The following CFAP74 variants were observed in gnomAD, a reference collection of about 807,000 sequenced individuals.
CFAP74 encodes cilia- and flagella-associated protein 74.
CFAP74 carries 124 observed loss-of-function variants against 188.9 expected under a neutral mutation model. The observed-to-expected ratio is 0.66, with a 90% confidence interval of 0.57 to 0.76. CFAP74 has a LOEUF of 0.76. Among genes scored for constraint, CFAP74 ranks in the 30% least tolerant of loss-of-function variants. CFAP74 has a pLI of 0.00. For missense variants in CFAP74, 2,198 were observed against 2,165.2 expected (o/e 1.02, Z -0.30); for synonymous variants, 956 against 916.7 (o/e 1.04, Z -0.77).
intron 6 of CFAP74, among the ~76,000 whole-genome samples, chr1:1,974,505 G>A (rs1656313318): frequency 6.6e-6 from 1 of 152,218 alleles, no homozygotes. Flanking sequence ...GGCAGGCCCT[G>A]CCCAGCCTGA....
At chr1:1,943,831 G>A (rs559325566) in intron 21 of CFAP74, among the ~76,000 whole-genome samples, 1 of 152,222 alleles carries the variant, frequency 6.6e-6, no homozygotes, top group Non-Finnish European at 1.5e-5. Flanking sequence ...TAAGGCCAAG[G>A]TGCGGGCAGG....
At chr1:1,981,353 G>C (rs1354524761) in intron 6 of CFAP74, among the ~76,000 whole-genome samples, 1 of 152,110 alleles carries the variant, frequency 6.6e-6, no homozygotes, top group African/African-American at 2.4e-5. Flanking sequence ...GGGACCCAGC[G>C]GGAAAGCGCC....
At chr1:1,974,906 G>A (rs931706721) in intron 6 of CFAP74, among the ~76,000 whole-genome samples, 1 of 152,254 alleles carries the variant, frequency 6.6e-6, no homozygotes, top group African/African-American at 2.4e-5. Context: ...GGCCAGGTGA[G>A]AGCCGCTGGA....
At chr1:1,995,709 A>G (rs961018153) in intron 1 of CFAP74, among the ~76,000 whole-genome samples, 2 of 151,992 alleles carry the variant, frequency 1.3e-5, no homozygotes, top group African/African-American at 4.8e-5. Context: ...GGAGATCGAG[A>G]CCATCCTGGC....
rs1654891550 is a variant in CFAP74, at chr1:1,959,262, T to G, written c.1762-53A>C. On this transcript the variant is annotated intron_variant, in intron 15 of 38. Transcript: ENST00000682832. Reference sequence around the variant, plus strand: ...ATACACTTCTGCAACTTTTGTGTGTTTTGTTTTTTTTTTGGACAGGGTCTG... The same window carrying G: ...ATACACTTCTGCAACTTTTGTGTGTGTTGTTTTTTTTTTGGACAGGGTCTG... The G allele has an allele frequency of 1.2e-5, 16 of 1,315,958 alleles. No homozygotes were observed. The South Asian group carries it at 1.4e-4, about 11-fold the overall frequency. 81.5% of individuals were successfully genotyped at this position (1,315,958 alleles called of 1,614,324 possible).
intron 25 of CFAP74, among the ~76,000 whole-genome samples, chr1:1,935,497 T>C (rs1000240229): frequency 9.7e-5 from 9 of 92,384 alleles, no homozygotes; most frequent in Admixed American, 3.7e-4. Flanking sequence ...TAGGTACACA[T>C]GTGTGCACGT....
Position 1,922,589 on chromosome 1 carries a change from A to G in CFAP74, c.4818T>C (p.Asp1606=). 3 of 1,606,414 alleles carry G rather than the reference A, an allele frequency of 1.9e-6. No homozygotes were observed. Among genetic ancestry groups the G allele is most frequent in the Non-Finnish European group, 2.5e-6 (3 of 1,176,576 alleles). Residue 1606 remains aspartate (D), a splice_region_variant and synonymous_variant, in exon 38 of 39, where the codon GAT becomes GAC. Transcript: ENST00000682832. The part of the protein sequence containing the change: ...SISWVPPADF[D]PDHPLMVSAL... Reference sequence around the variant, plus strand: ...TGGCCTGGAGCCCAAAGGCACCTACATCAAAGTCCGCAGGTGGCACCCAGG... The same window carrying G: ...TGGCCTGGAGCCCAAAGGCACCTACGTCAAAGTCCGCAGGTGGCACCCAGG...
At position 1,973,997 on chromosome 1, in the gene CFAP74, G is replaced by A. The variant is rs1656266062; in HGVS notation, c.674+28C>T. ...GGGCTGGCAGAAGCTGCTGGGAAGGGATGGAGGTGGGCCTGGGTGTCGCCT... is the reference window on the plus strand; with the variant it reads ...GGGCTGGCAGAAGCTGCTGGGAAGGAATGGAGGTGGGCCTGGGTGTCGCCT... On this transcript the variant is annotated intron_variant, in intron 7 of 38. Transcript: ENST00000682832. This position sits in a 1 kb window ranked among gnomAD's most constrained non-coding sequence, Gnocchi z 6.2. 1 of 1,514,968 alleles carries A rather than the reference G, an allele frequency of 6.6e-7. No individual in the cohort carries two copies. The highest frequency in any genetic ancestry group is 1.4e-5 in the African/African-American group (1 of 72,218). The allele number at this position is 1,514,968 out of a possible 1,614,324, so 93.8% of individuals were successfully genotyped here.
rs80271616 is a variant in CFAP74 at position 1,968,047 on chromosome 1, T to A, written c.1245+588A>T. On this transcript the variant is annotated intron_variant, in intron 11 of 38. Transcript: ENST00000682832. The surrounding 1 kb of genome is among the most constrained non-coding windows in gnomAD (Gnocchi z 4.3). Reference sequence around the variant, plus strand: ...GAGTGAATGAGTGAATGAATAAGTGTATCAGTGAGTGAGTGAATGAATGAG... The same window carrying A: ...GAGTGAATGAGTGAATGAATAAGTGAATCAGTGAGTGAGTGAATGAATGAG... Among the ~76,000 whole-genome samples the A allele has an allele frequency of 6.6e-6, 1 of 151,462 alleles. No individual in the cohort carries two copies. Among genetic ancestry groups the A allele is most frequent in the Non-Finnish European group, 1.5e-5 (1 of 67,962 alleles).
rs1182220487 is a variant in CFAP74 at position 1,944,375 on chromosome 1, G to A, written c.2442C>T (p.Cys814=). The change falls in exon 21 of 39, where the codon TGC becomes TGT. Residue 814 remains cysteine, a synonymous_variant. Coordinates refer to ENST00000682832, the MANE Select transcript of CFAP74 (RefSeq NM_001304360.2). The part of the protein sequence containing the change: ...VPKPSVDLKI[C]MYDRLYQDSV... ...AGTCCTGGTAGAGCCGGTCATACAT[G>A]CAGATCTTCAGGTCCACGCTGGGCT... is the stretch of plus-strand genomic sequence containing the variant. 6.5e-7 allele frequency: 1 copy of A among 1,535,980 alleles called. No individual in the cohort carries two copies. The highest frequency in any genetic ancestry group is 8.7e-7 in the Non-Finnish European group (1 of 1,146,918).
chr1:1,971,113 A>G (rs1382957327), intron 9 of CFAP74, among the ~76,000 whole-genome samples: 3 of 148,278 alleles, frequency 2.0e-5, no homozygotes, highest in Non-Finnish European at 4.4e-5. Context: ...ACGTGTGCAC[A>G]CACATGCTCA....
At chr1:1,961,289 A>G (rs549788956) in intron 14 of CFAP74, among the ~76,000 whole-genome samples, 194 of 152,358 alleles carry the variant, frequency 1.3e-3, no homozygotes, top group South Asian at 2.9e-3. Flanking sequence ...CTGAATCTTC[A>G]GATTCAACAG....
In CFAP74 at chr1:1,922,940, G is replaced by A. The variant is rs974046148; in HGVS notation, c.4683+45C>T. The A allele has an allele frequency of 4.6e-6, 7 of 1,532,550 alleles. No homozygotes were observed. The East Asian group carries it at 1.4e-4, about 30-fold the overall frequency. The allele number at this position is 1,532,550 out of a possible 1,614,324, so 94.9% of individuals were successfully genotyped here. ...GTCAGGGCTGCCCAGGGCAGGGGAGGCCGAGGGGGCTGCCTGGTGTCCCCA... is the reference window on the plus strand; with the variant it reads ...GTCAGGGCTGCCCAGGGCAGGGGAGACCGAGGGGGCTGCCTGGTGTCCCCA... On this transcript the variant is annotated intron_variant, in intron 37 of 38. Transcript: ENST00000682832.
intron 10 of CFAP74, among the ~76,000 whole-genome samples, chr1:1,970,167 C>T (rs1397466008): frequency 6.6e-6 from 1 of 152,178 alleles, no homozygotes; most frequent in Non-Finnish European, 1.5e-5. Context: ...CACCACGGAC[C>T]CAAGCTGGCA....
Position 1,966,532 on chromosome 1 carries a change from G to A in CFAP74, c.1246-6C>T. The A allele has an allele frequency of 6.5e-7, 1 of 1,536,300 alleles. No homozygotes were observed. The highest frequency in any genetic ancestry group is 8.8e-7 in the Non-Finnish European group (1 of 1,138,298). On this transcript the variant is annotated splice_region_variant and splice_polypyrimidine_tract_variant and intron_variant, in intron 11 of 38. Coordinates refer to ENST00000682832, the MANE Select transcript of CFAP74 (RefSeq NM_001304360.2). Reference sequence around the variant, plus strand: ...CCTGCAGCAGCCTCGTAGTCCTGCAGTCGGGGAGAGGAACATCGCAAAGAC... The same window carrying A: ...CCTGCAGCAGCCTCGTAGTCCTGCAATCGGGGAGAGGAACATCGCAAAGAC...
At chr1:1,926,135 G>C in intron 32 of CFAP74, 93 bp downstream of exon 32, 1 of 1,443,996 alleles carries the variant, frequency 6.9e-7, no homozygotes, top group East Asian at 2.5e-5. Flanking sequence ...TCCCAGGCCT[G>C]AGCACAGGTG....
chr1:1,925,794 A>G lies in CFAP74; in HGVS notation c.4093T>C (p.Ser1365Pro). The G allele has an allele frequency of 6.2e-7, 1 of 1,611,836 alleles. No individual in the cohort carries two copies. Among genetic ancestry groups the G allele is most frequent in the Non-Finnish European group, 8.5e-7 (1 of 1,179,352 alleles). ...CACGTGTGCTTCACCTTGAAGCCTG[A>G]GGACACAGACTCTCCGGCAATCACA... ...GYVIAGESVS[S>P]GFKLQNNSLL... is the part of the protein sequence containing the mutation. Residue 1365 changes from serine to proline, a missense_variant, in exon 33 of 39, where the codon TCA (serine) becomes CCA (proline). Ser to Pro is a moderately conservative substitution (Grantham distance 74). Transcript: ENST00000682832.
intron 10 of CFAP74, among the ~76,000 whole-genome samples, 199 bp from the exon 11 acceptor site, chr1:1,969,032 G>C (rs1314413734): frequency 6.6e-6 from 1 of 152,058 alleles, no homozygotes; most frequent in Non-Finnish European, 1.5e-5. Flanking sequence ...AGGGCTCTTG[G>C]GGTGGGAACT....
At chr1:1,931,291 ATGG>A (rs934288376) in intron 25 of CFAP74, among the ~76,000 whole-genome samples, 1 of 149,596 alleles carries the variant, frequency 6.7e-6, no homozygotes, top group African/African-American at 2.5e-5. Flanking sequence ...TTAGCCAGGC[ATGG>A]TGGTGGGCAC....
Sources: allele counts gnomAD v4.1 joint callset (sites outside exome capture counted in the v4.1 genomes callset), GRCh38; gene constraint gnomAD v4.1.1; non-coding constraint Gnocchi (gnomAD v3.1); transcripts MANE v1.5; gene names NCBI Gene and HGNC (gene_info 2026-07-23, HGNC 2026-07-21).